Variants in DACT2 observed in about 807,000 individuals in gnomAD.
The protein encoded by DACT2 is dapper homolog 2.
Under a neutral mutation model 22.2 loss-of-function variants are expected in DACT2, and 20 were observed. The ratio of observed to expected loss-of-function variants is 0.90; its 90% CI spans 0.63 to 1.31. DACT2 has a LOEUF of 1.31. Among genes scored for constraint, DACT2 ranks in the 50% most tolerant of loss-of-function variants. The probability of loss-of-function intolerance (pLI) is 0.00; values close to 1 mark genes in which losing one functional copy is unlikely to be tolerated. For missense variants in DACT2, 1,048 were observed against 1,061.4 expected, an observed-to-expected ratio of 0.99 and a Z score of 0.18; for synonymous variants, 463 against 479.8, an observed-to-expected ratio of 0.96 and a Z score of 0.46.
Position 168,307,152 on chromosome 6 carries a change from G to C in DACT2, c.*280C>G. The C allele has an allele frequency of 8.0e-7, 1 of 1,255,642 alleles. No homozygotes were observed. 77.8% of individuals were successfully genotyped at this position (1,255,642 alleles called of 1,614,324 possible). A position where few individuals can be genotyped will look rare whatever the true frequency, so the allele number is the denominator to read the frequency against. ...ACAACATGGAAACAAGGTGCATGCC[G>C]GGAAGCAGCATCCTGGGCAGACCTT... is the stretch of plus-strand genomic sequence containing the variant. On this transcript the variant is annotated 3_prime_UTR_variant, in exon 4 of 4. Coordinates refer to ENST00000366795, the MANE Select transcript of DACT2 (RefSeq NM_214462.5). The surrounding 1 kb of genome is among the most constrained non-coding windows in gnomAD (Gnocchi z 5.3).
Position 168,308,045 on chromosome 6 carries a change from A to G in DACT2, c.1712T>C (p.Val571Ala), listed in dbSNP as rs1779267694. The G allele has an allele frequency of 6.5e-7, 1 of 1,549,010 alleles. No homozygotes were observed. Among genetic ancestry groups the G allele is most frequent in the African/African-American group, 1.4e-5 (1 of 73,130 alleles). Residue 571 changes from valine (V) to alanine (A), a missense_variant, in exon 4 of 4, where the codon GTC becomes GCC. Physicochemically the swap from Val to Ala is moderately conservative, Grantham distance 64. Coordinates refer to ENST00000366795, the MANE Select transcript of DACT2 (RefSeq NM_214462.5). Reference protein sequence around the residue: ...CSESTLYPMPVLVPLAVAPQE... With the variant: ...CSESTLYPMPALVPLAVAPQE... ...CGGGGCCACTGCCAAGGGGACGAGG[A>G]CAGGCATGGGGTAGAGGGTGGACTC...
chr6:168,303,611 T>C (rs117629745), downstream of DACT2, among the ~76,000 whole-genome samples: 99 of 152,342 alleles, frequency 6.5e-4, no homozygotes, highest in East Asian at 0.018. Context: ...CAGCCATGCA[T>C]ATCATGAGCC....
At position 168,311,593 on chromosome 6, in the gene DACT2, C is replaced by CTCACACACAAACACACACACCCAT. The variant is rs1410423224; in HGVS notation, c.247-310_247-309insATGGGTGTGTGTGTTTGTGTGTGA. Among the ~76,000 whole-genome samples, 142 of 67,956 alleles carry CTCACACACAAACACACACACCCAT rather than the reference C, an allele frequency of 2.1e-3. 2 individuals are homozygous for CTCACACACAAACACACACACCCAT. Among genetic ancestry groups the CTCACACACAAACACACACACCCAT allele is most frequent in the African/African-American group, 6.4e-3 (128 of 19,862 alleles). 44.6% of individuals were successfully genotyped at this position (67,956 alleles called of 152,430 possible). ...AAACACACACACCCATCCACACACA[C>CTCACACACAAACACACACACCCAT]ACATACACACACACTCACACAAACA... is the stretch of plus-strand genomic sequence containing the variant. On this transcript the variant is annotated intron_variant, in intron 1 of 3. Transcript: ENST00000366795.
intron 2 of DACT2, 138 bp downstream of exon 2, chr6:168,311,014 G>A (rs1005706463): frequency 2.1e-5 from 24 of 1,149,474 alleles, no homozygotes; most frequent in African/African-American, 1.1e-4. Flanking sequence ...TCAGCCTGAC[G>A]AAGCGGCCAT....
rs541505887 is a variant in DACT2 at position 168,294,725 on chromosome 6, A to T, written c.659-21T>A. 5.8e-6 allele frequency: 8 copies of T among 1,390,446 alleles called. No homozygotes were observed. In the Admixed American group the frequency reaches 1.0e-4, roughly 18 times the overall value. 86.1% of individuals were successfully genotyped at this position (1,390,446 alleles called of 1,614,324 possible). On this transcript the variant is annotated intron_variant, in intron 3 of 5. Coordinates refer to the DACT2 transcript ENST00000366796. The stretch of plus-strand genomic sequence containing the variant: ...CAGCTCTGGTAAGAACAAAATGCAA[A>T]TGTGCGTGAGAGCTACAGAACACAC...
chr6:168,303,875 A>G (rs919932108), downstream of DACT2, among the ~76,000 whole-genome samples: 1 of 152,234 alleles, frequency 6.6e-6, no homozygotes, highest in Non-Finnish European at 1.5e-5. Flanking sequence ...AAATTCTTAT[A>G]ATTTAGAATT....
In DACT2 at chr6:168,307,546, C is replaced by T. The variant is rs1439837409; in HGVS notation, c.2211G>A (p.Ser737=). The change falls in exon 4 of 4, where the codon TCG becomes TCA. Residue 737 remains serine, a synonymous_variant. Transcript: ENST00000366795. This position sits in a 1 kb window ranked among gnomAD's most constrained non-coding sequence, Gnocchi z 5.3. ...TGGGCACGGGGGACAGGAGTGGCCC[C>T]GAGCTGACCGGGGCCTCCTGGGTCC... is the stretch of plus-strand genomic sequence containing the variant. ...LAWTQEAPVS[S]GPLLSPVPKL... is the part of the protein sequence containing the mutation. 25 of 1,551,262 alleles carry T rather than the reference C, an allele frequency of 1.6e-5. No individual in the cohort carries two copies. The highest frequency in any genetic ancestry group is 2.2e-5 in the Non-Finnish European group (25 of 1,146,936).
rs928408472 is a variant in DACT2, at chr6:168,307,985, A to T, written c.1772T>A (p.Phe591Tyr). The T allele has an allele frequency of 1.3e-6, 2 of 1,551,064 alleles. No individual in the cohort carries two copies. The highest frequency in any genetic ancestry group is 1.4e-5 in the African/African-American group (1 of 73,040). Residue 591 changes from phenylalanine (F) to tyrosine (Y), a missense_variant, in exon 4 of 4, where the codon TTC (phenylalanine) becomes TAC (tyrosine). Transcript: ENST00000366795. This position sits in a 1 kb window ranked among gnomAD's most constrained non-coding sequence, Gnocchi z 5.3. ...ESHRTSAQALFPFEASLLTSV... is the reference protein window; with the variant it reads ...ESHRTSAQALYPFEASLLTSV... Reference sequence around the variant, plus strand: ...GGTGAGCAGTGACGCCTCAAAGGGGAACAGGGCTTGGGCTGAGGTCCGGTG... The same window carrying T: ...GGTGAGCAGTGACGCCTCAAAGGGGTACAGGGCTTGGGCTGAGGTCCGGTG...
At position 168,310,327 on chromosome 6, in the gene DACT2, C is replaced by T; in HGVS notation, c.499G>A (p.Ala167Thr). 6 of 1,551,590 alleles carry T rather than the reference C, an allele frequency of 3.9e-6. No homozygotes were observed. Among genetic ancestry groups the T allele is most frequent in the Non-Finnish European group, 5.2e-6 (6 of 1,146,950 alleles). ...CTCCAGTCCCCCATGCTGGGCCTGG[C>T]CTTGTGGGCCTGGGCCACAGGCAAC... The part of the protein sequence containing the change: ...SLLPVAQAHK[A>T]RPSMGDWRPR... Residue 167 changes from alanine to threonine, a missense_variant, in exon 3 of 4, where the codon GCC (alanine) becomes ACC (threonine). Physicochemically the swap from Ala to Thr is moderately conservative, Grantham distance 58. Coordinates refer to ENST00000366795, the MANE Select transcript of DACT2 (RefSeq NM_214462.5).
In DACT2 at chr6:168,311,594, A is replaced by C. The variant is rs1027079916; in HGVS notation, c.247-310T>G. On this transcript the variant is annotated intron_variant, in intron 1 of 3. Coordinates refer to ENST00000366795, the MANE Select transcript of DACT2 (RefSeq NM_214462.5). ...AACACACACACCCATCCACACACAC[A>C]CATACACACACACTCACACAAACAC... Among the ~76,000 whole-genome samples, 356 of 65,574 alleles carry C rather than the reference A, an allele frequency of 5.4e-3. 7 individuals are homozygous for C. The highest frequency in any genetic ancestry group is 0.016 in the African/African-American group (307 of 18,878). The allele number at this position is 65,574 out of a possible 152,430, so 43.0% of individuals were successfully genotyped here.
chr6:168,294,206 G>A (rs1290464324), intron 4 of DACT2: 1 of 702,850 alleles, frequency 1.4e-6, no homozygotes, highest in East Asian at 2.7e-5. Context: ...ACCTAACACA[G>A]AGAGAAGGCA....
chr6:168,307,732 C>G lies in DACT2; in HGVS notation c.2025G>C (p.Pro675=). The G allele has an allele frequency of 6.5e-7, 1 of 1,549,170 alleles. No homozygotes were observed. Among genetic ancestry groups the G allele is most frequent in the Admixed American group, 2.0e-5 (1 of 51,010 alleles). The change falls in exon 4 of 4, where the codon CCG becomes CCC. Residue 675 remains proline (P), a synonymous_variant. Transcript: ENST00000366795. This position sits in a 1 kb window ranked among gnomAD's most constrained non-coding sequence, Gnocchi z 5.3. ...CCTCGCTGGTCTCCGGGATGACTGACGGGAACCGCGGGTCACACTCGGCCG... is the reference window on the plus strand; with the variant it reads ...CCTCGCTGGTCTCCGGGATGACTGAGGGGAACCGCGGGTCACACTCGGCCG... ...KHSAECDPRF[P]SVIPETSEGE... is the part of the protein sequence containing the mutation.
At chr6:168,294,577 G>GTGTGTATATATATATGTATATATA (rs1177617130) in intron 4 of DACT2, 8 of 114,780 alleles carry the variant, frequency 7.0e-5, no homozygotes, top group African/African-American at 4.6e-4. Flanking sequence ...GTGTGTGTGT[G>GTGTGTATATATATATGTATATATA]TATATATATA....
rs766244346 is a variant in DACT2 at position 168,294,573 on chromosome 6, G to GTATA, written c.730+59_730+60insTATA. The stretch of plus-strand genomic sequence containing the variant: ...TGTGTGTGTGTGTATGTGTGTGTGT[G>GTATA]TGTGTATATATATATATATATATAT... On this transcript the variant is annotated intron_variant, in intron 4 of 5. Coordinates refer to the DACT2 transcript ENST00000366796. The GTATA allele has an allele frequency of 1.6e-4, 74 of 461,618 alleles. No individual in the cohort carries two copies. In the African/African-American group the frequency reaches 3.2e-3, roughly 20 times the overall value. 28.6% of individuals were successfully genotyped at this position (461,618 alleles called of 1,614,324 possible).
chr6:168,313,792 C>T (rs1779481552), intron 1 of DACT2, among the ~76,000 whole-genome samples: 1 of 152,186 alleles, frequency 6.6e-6, no homozygotes, highest in African/African-American at 2.4e-5. Context: ...CCTCCTCCCC[C>T]AGCCCCGTTC....
downstream of DACT2, among the ~76,000 whole-genome samples, chr6:168,306,640 C>T (rs10945497): frequency 0.3 from 45,270 of 150,334 alleles, 8,274 homozygotes; most frequent in African/African-American, 0.52. Context: ...TTAGCAGAGA[C>T]GGGGTTTCAC....
intron 3 of DACT2, among the ~76,000 whole-genome samples, chr6:168,295,212 TG>T (rs1392513910): frequency 1.3e-5 from 2 of 152,242 alleles, no homozygotes; most frequent in African/African-American, 2.4e-5. Context: ...AGCTCAATAT[TG>T]GGTAGCCCAC....
chr6:168,295,044 C>G (rs1203338319), intron 3 of DACT2, among the ~76,000 whole-genome samples: 1 of 152,152 alleles, frequency 6.6e-6, no homozygotes, highest in African/African-American at 2.4e-5. Context: ...GAGTCCCAAG[C>G]ATATGCTGGG....
At chr6:168,309,615 G>C (rs917588542) in intron 3 of DACT2, among the ~76,000 whole-genome samples, 3 of 152,226 alleles carry the variant, frequency 2.0e-5, no homozygotes, top group Admixed American at 6.5e-5. Flanking sequence ...CAGTGGGATG[G>C]AGCCCCAAGG....
Sources: allele counts gnomAD v4.1 joint callset (sites outside exome capture counted in the v4.1 genomes callset), GRCh38; gene constraint gnomAD v4.1.1; non-coding constraint Gnocchi (gnomAD v3.1); transcripts MANE v1.5; gene names NCBI Gene and HGNC (gene_info 2026-07-23, HGNC 2026-07-21).